TSPAN18: variants seen among roughly 807,000 people sequenced by gnomAD.
TSPAN18 encodes tetraspanin 18.
Under a neutral mutation model 27.3 loss-of-function variants are expected in TSPAN18, and 14 were observed. That is an observed-to-expected ratio of 0.51 (90% confidence interval 0.34 to 0.80). The LOEUF (loss-of-function observed/expected upper bound fraction) is 0.80, where lower values mean the gene tolerates loss of function less well. TSPAN18 is among the 30% of genes least tolerant of loss of function. The pLI, the probability that TSPAN18 is intolerant of heterozygous loss-of-function variation, is 0.01. For missense variants in TSPAN18, 268 were observed against 323.9 expected, an observed-to-expected ratio of 0.83 and a Z score of 1.32; for synonymous variants, 143 against 136.5, an observed-to-expected ratio of 1.05 and a Z score of -0.33.
chr11:44,773,145 G>A (rs528189736), intron 2 of TSPAN18, among the ~76,000 whole-genome samples: 20 of 152,158 alleles, frequency 1.3e-4, no homozygotes, highest in African/African-American at 4.8e-4. Context: ...GGCCAGGCGC[G>A]GTGGCTCATG....
At chr11:44,892,646 A>ACCTTCTGTGGCTTAAGTCCAGCC (rs1265126087) in intron 3 of TSPAN18, among the ~76,000 whole-genome samples, 1 of 152,148 alleles carries the variant, frequency 6.6e-6, no homozygotes, top group African/African-American at 2.4e-5. Context: ...TGGGACTGGC[A>ACCTTCTGTGGCTTAAGTCCAGCC]CCTTCTGTGG....
At chr11:44,754,805 TGTCCTTACCTCCTTGAAGTGATGA>T (rs1456445455) in intron 1 of TSPAN18, among the ~76,000 whole-genome samples, 1 of 152,178 alleles carries the variant, frequency 6.6e-6, no homozygotes, top group African/African-American at 2.4e-5. Context: ...GGATAGTCCT[TGTCCTTACCTCCTTGAAGTGATGA>T]GAAAGTGCTT....
chr11:44,816,156 A>G (rs1239461426), intron 2 of TSPAN18, among the ~76,000 whole-genome samples: 1 of 25,144 alleles, frequency 4.0e-5, no homozygotes. Context: ...GTTAGCGCCA[A>G]TGTAGACCAA....
chr11:44,895,113 C>T (rs987609511), intron 3 of TSPAN18, among the ~76,000 whole-genome samples: 3 of 152,120 alleles, frequency 2.0e-5, no homozygotes, highest in Non-Finnish European at 1.5e-5. Context: ...ATGGTAAAAC[C>T]TCAATCCTAG....
chr11:44,843,393 A>G (rs1248754451), intron 2 of TSPAN18, among the ~76,000 whole-genome samples: 1 of 152,180 alleles, frequency 6.6e-6, no homozygotes, highest in Non-Finnish European at 1.5e-5. Flanking sequence ...CACAGACATC[A>G]AGTATTTAAC....
intron 3 of TSPAN18, among the ~76,000 whole-genome samples, chr11:44,888,967 G>C (rs1026330444): frequency 7.2e-5 from 11 of 152,196 alleles, no homozygotes; most frequent in African/African-American, 2.7e-4. Context: ...TCATGATAGT[G>C]AGTGAATTCT....
intron 2 of TSPAN18, among the ~76,000 whole-genome samples, chr11:44,823,706 CACCGGGG>C (rs1856976542): frequency 6.6e-6 from 1 of 152,134 alleles, no homozygotes; most frequent in Non-Finnish European, 1.5e-5. Context: ...GGTGAGGTTT[CACCGGGG>C]ACCTGCCCCT....
intron 2 of TSPAN18, among the ~76,000 whole-genome samples, chr11:44,793,627 A>G (rs920766557): frequency 1.3e-5 from 2 of 152,210 alleles, no homozygotes; most frequent in Non-Finnish European, 2.9e-5. Flanking sequence ...GGTGAGAGTC[A>G]CCACGTTACC....
At chr11:44,857,315 A>T (rs1300526347) in intron 2 of TSPAN18, among the ~76,000 whole-genome samples, 1 of 152,206 alleles carries the variant, frequency 6.6e-6, no homozygotes, top group Non-Finnish European at 1.5e-5. Flanking sequence ...GTGAGCTTTC[A>T]CCAAGGCTCA....
intron 2 of TSPAN18, among the ~76,000 whole-genome samples, chr11:44,806,892 C>T (rs950896610): frequency 1.5e-4 from 23 of 152,140 alleles, no homozygotes; most frequent in African/African-American, 5.3e-4. Context: ...TTTTAGGTGG[C>T]ACTCACATGA....
chr11:44,846,200 T>C (rs1169119240), intron 2 of TSPAN18, among the ~76,000 whole-genome samples: 1 of 152,212 alleles, frequency 6.6e-6, no homozygotes, highest in Admixed American at 6.5e-5. Flanking sequence ...AAATGACTTG[T>C]CCAGCATTTC....
intron 2 of TSPAN18, among the ~76,000 whole-genome samples, chr11:44,830,581 G>A (rs539962494): frequency 2.0e-5 from 3 of 152,272 alleles, no homozygotes; most frequent in Admixed American, 2.0e-4. Context: ...ATCCTATGAG[G>A]GAAGATCATC....
intron 1 of TSPAN18, among the ~76,000 whole-genome samples, chr11:44,756,161 C>T (rs1488225542): frequency 6.6e-6 from 1 of 152,082 alleles, no homozygotes; most frequent in African/African-American, 2.4e-5. Context: ...GATTCTAGGA[C>T]AACAGGAGAC....
intron 2 of TSPAN18, among the ~76,000 whole-genome samples, chr11:44,817,353 G>C (rs1286111007): frequency 6.6e-6 from 1 of 152,248 alleles, no homozygotes; most frequent in Non-Finnish European, 1.5e-5. Flanking sequence ...CTCAGCTCAA[G>C]GGCTGTAGGC....
chr11:44,841,918 T>G lies in TSPAN18; in HGVS notation c.-152-18410T>G, dbSNP rs1012379652. 2.6e-5 allele frequency among the ~76,000 whole-genome samples: 4 copies of G among 152,230 alleles called. No homozygotes were observed. The East Asian group carries it at 7.7e-4, about 29-fold the overall frequency. On this transcript the variant is annotated intron_variant, in intron 2 of 9. Coordinates refer to ENST00000520358, the MANE Select transcript of TSPAN18 (RefSeq NM_130783.5). ...AGGCTTTAAACAGGAAGGGACATGC[T>G]ATGATTTAAATTTTAAGAGGTGAGC...
At chr11:44,897,091 G>C (rs573608221) in intron 3 of TSPAN18, among the ~76,000 whole-genome samples, 1 of 152,098 alleles carries the variant, frequency 6.6e-6, no homozygotes, top group African/African-American at 2.4e-5. Flanking sequence ...CAGGTCCCAG[G>C]TCTTCCTGGG....
intron 1 of TSPAN18, among the ~76,000 whole-genome samples, chr11:44,744,202 C>T (rs1265488604): frequency 1.3e-5 from 2 of 152,212 alleles, no homozygotes; most frequent in Non-Finnish European, 2.9e-5. Flanking sequence ...TGTATTATCG[C>T]TTCGGAAAAG....
At chr11:44,897,854 C>T in intron 3 of TSPAN18, 1 of 1,289,436 alleles carries the variant, frequency 7.8e-7, no homozygotes, top group African/African-American at 1.5e-5. Flanking sequence ...TAGCCTCTCC[C>T]TTCTCAGTGT....
intron 2 of TSPAN18, among the ~76,000 whole-genome samples, chr11:44,840,225 G>T (rs1231625190): frequency 2.6e-5 from 4 of 152,182 alleles, no homozygotes; most frequent in Admixed American, 6.5e-5. Flanking sequence ...AGACTGTTTG[G>T]CGAGGGCATG....
Sources: allele counts gnomAD v4.1 joint callset (sites outside exome capture counted in the v4.1 genomes callset), GRCh38; gene constraint gnomAD v4.1.1; transcripts MANE v1.5; gene names NCBI Gene and HGNC (gene_info 2026-07-23, HGNC 2026-07-21).